GMPPB: variants seen among roughly 807,000 people sequenced by gnomAD.
The protein encoded by GMPPB is GDP-mannose pyrophosphorylase B.
In GMPPB, 38 loss-of-function variants were observed where a neutral mutation model predicts 40.3. The observed-to-expected ratio is 0.94, with a 90% CI of 0.73 to 1.24. The LOEUF is 1.24. GMPPB is among the 50% of genes most tolerant of loss of function. The pLI, the probability that GMPPB is intolerant of heterozygous loss-of-function variation, is 0.00. For synonymous variants in GMPPB, 193 were observed against 191.8 expected, an observed-to-expected ratio of 1.01 and a Z score of -0.05; for missense variants, 436 against 487.1, an observed-to-expected ratio of 0.90 and a Z score of 0.99.
chr3:49,723,117 G>C lies in GMPPB; in HGVS notation c.260-3C>G, dbSNP rs1559697660. On this transcript the variant is annotated splice_polypyrimidine_tract_variant and splice_region_variant and intron_variant, in intron 3 of 8. Transcript: ENST00000308388. The stretch of plus-strand genomic sequence containing the variant: ...ACGGGCCAGCGCCAGGGGCCCAGCT[G>C]GGGGAAGGGGACAGGTCACCACCTT... The C allele has an allele frequency of 6.2e-7, 1 of 1,613,840 alleles. No homozygotes were observed. The highest frequency in any genetic ancestry group is 1.1e-5 in the South Asian group (1 of 91,058).
rs895541895 is a variant in GMPPB, at chr3:49,721,233, C to T, written c.*519G>A. On this transcript the variant is annotated 3_prime_UTR_variant, in exon 9 of 9. Transcript: ENST00000308388. ...TGAACAACAAGGACTGCTTCTTCTG[C>T]AAAACCACCATCGTGTCTGTAGAGG... 2 of 1,614,106 alleles carry T rather than the reference C, an allele frequency of 1.2e-6. No individual in the cohort carries two copies. The highest frequency in any genetic ancestry group is 2.7e-5 in the African/African-American group (2 of 74,932).
Position 49,721,760 on chromosome 3 carries a change from T to C in GMPPB, c.1075A>G (p.Ile359Val). Residue 359 changes from isoleucine to valine, a missense_variant, in exon 9 of 9, where the codon ATC becomes GTC. Coordinates refer to ENST00000308388, the MANE Select transcript of GMPPB (RefSeq NM_021971.4). ...IGESVPEPRI[I>V]M ...AGCCCCACTGCATCCCCTCACATGA[T>C]GATACGAGGCTCTGGCACTGACTCG... 1.9e-6 allele frequency: 3 copies of C among 1,601,662 alleles called. No individual in the cohort carries two copies. The highest frequency in any genetic ancestry group is 2.5e-6 in the Non-Finnish European group (3 of 1,176,658).
Position 49,723,897 on chromosome 3 carries a change from G to C in GMPPB, c.-171C>G, listed in dbSNP as rs2080464417. ...CCCGGTCGCCCTGACGCCGGATCCA[G>C]GGCCGCCACAACACAGAACGCGACA... On this transcript the variant is annotated 5_prime_UTR_variant, in exon 1 of 9. Transcript: ENST00000308388. The C allele has an allele frequency of 1.4e-6, 1 of 699,902 alleles. No individual in the cohort carries two copies. The highest frequency in any genetic ancestry group is 3.0e-5 in the East Asian group (1 of 33,556). The allele number at this position is 699,902 out of a possible 1,614,324, so 43.4% of individuals were successfully genotyped here. A position where few individuals can be genotyped will look rare whatever the true frequency, so the allele number is the denominator to read the frequency against.
Position 49,721,458 on chromosome 3 carries a change from C to A in GMPPB, c.*294G>T. 9.4e-7 allele frequency: 1 copy of A among 1,067,180 alleles called. No individual in the cohort carries two copies. The highest frequency in any genetic ancestry group is 1.5e-6 in the Non-Finnish European group (1 of 687,328). 66.1% of individuals were successfully genotyped at this position (1,067,180 alleles called of 1,614,324 possible). The stretch of plus-strand genomic sequence containing the variant: ...GTATCCTCATTGGTGGGAGCCCAGC[C>A]ATGGCCCTAATTGTGCCTGAGCTTG... On this transcript the variant is annotated 3_prime_UTR_variant, in exon 9 of 9. Transcript: ENST00000308388.
chr3:49,720,641 T>G lies in GMPPB; in HGVS notation c.*1111A>C, dbSNP rs1410093745. On this transcript the variant is annotated 3_prime_UTR_variant, in exon 9 of 9. Transcript: ENST00000308388. The stretch of plus-strand genomic sequence containing the variant: ...GCCAGCCCCTGACCGGAAGCGCTTC[T>G]CCCTGCAGAGCTGTGAGTGGGCTGG... The G allele has an allele frequency of 1.2e-6, 2 of 1,600,864 alleles. No individual in the cohort carries two copies. The highest frequency in any genetic ancestry group is 2.2e-5 in the South Asian group (2 of 89,942).
intron 8 of GMPPB, 25 bp downstream of exon 8, chr3:49,721,940 C>G: frequency 6.2e-7 from 1 of 1,613,334 alleles, no homozygotes; most frequent in South Asian, 1.1e-5. Flanking sequence ...CCCCTCTCCC[C>G]ACCCAGCCCA....
Position 49,721,469 on chromosome 3 carries a change from T to C in GMPPB, c.*283A>G. On this transcript the variant is annotated 3_prime_UTR_variant, in exon 9 of 9. Coordinates refer to ENST00000308388, the MANE Select transcript of GMPPB (RefSeq NM_021971.4). The stretch of plus-strand genomic sequence containing the variant: ...GGTGGGAGCCCAGCCATGGCCCTAA[T>C]TGTGCCTGAGCTTGACTTTCAGTCA... 2.0e-6 allele frequency: 2 copies of C among 995,988 alleles called. No individual in the cohort carries two copies. The highest frequency in any genetic ancestry group is 4.8e-5 in the East Asian group (2 of 41,900). The allele number at this position is 995,988 out of a possible 1,614,324, so 61.7% of individuals were successfully genotyped here.
Position 49,723,870 on chromosome 3 carries a change from C to T in GMPPB, c.-144G>A. 2.2e-6 allele frequency: 2 copies of T among 919,846 alleles called. No homozygotes were observed. Among genetic ancestry groups the T allele is most frequent in the Non-Finnish European group, 3.1e-6 (2 of 640,254 alleles). The allele number at this position is 919,846 out of a possible 1,614,324, so 57.0% of individuals were successfully genotyped here. The stretch of plus-strand genomic sequence containing the variant: ...TGACAGACTCTGGCTCCACCTCGTC[C>T]GCCCGGTCGCCCTGACGCCGGATCC... On this transcript the variant is annotated 5_prime_UTR_variant, in exon 1 of 9. Transcript: ENST00000308388.
At position 49,720,317 on chromosome 3, in the gene GMPPB, GAAAA is replaced by G. The variant is rs370438853; in HGVS notation, c.*1431_*1434del. The G allele has an allele frequency of 1.9e-4, 65 of 345,224 alleles. No individual in the cohort carries two copies. The highest frequency in any genetic ancestry group is 1.1e-3 in the African/African-American group (38 of 36,078). The allele number at this position is 345,224 out of a possible 1,614,324, so 21.4% of individuals were successfully genotyped here. ...GGCAACAGAGCGAGACTCGTCTCAAGAAAAAAAAAAAAAAAACAGGCTGTGTGGC... is the reference window on the plus strand; with the variant it reads ...GGCAACAGAGCGAGACTCGTCTCAAGAAAAAAAAAAAACAGGCTGTGTGGC... On this transcript the variant is annotated 3_prime_UTR_variant, in exon 9 of 9. Transcript: ENST00000308388.
In GMPPB at chr3:49,719,920, AGCT is replaced by A. The variant is rs2108207129; in HGVS notation, c.*1829_*1831del. Reference sequence around the variant, plus strand: ...GGGGGAGTCTGGAAGAATGTCTCCAAGCTGCTGTTAGTGTTTATTTGAAGTGAC... The same window carrying A: ...GGGGGAGTCTGGAAGAATGTCTCCAAGCTGTTAGTGTTTATTTGAAGTGAC... On this transcript the variant is annotated 3_prime_UTR_variant, in exon 9 of 9. Coordinates refer to ENST00000308388, the MANE Select transcript of GMPPB (RefSeq NM_021971.4). 5.6e-6 allele frequency: 1 copy of A among 178,480 alleles called. No individual in the cohort carries two copies. Among genetic ancestry groups the A allele is most frequent in the East Asian group, 1.7e-4 (1 of 6,044 alleles). 11.1% of individuals were successfully genotyped at this position (178,480 alleles called of 1,614,324 possible).
At position 49,723,749 on chromosome 3, in the gene GMPPB, G is replaced by A. The variant is rs1261127721; in HGVS notation, c.-23C>T. 1 of 1,570,950 alleles carries A rather than the reference G, an allele frequency of 6.4e-7. No individual in the cohort carries two copies. Among genetic ancestry groups the A allele is most frequent in the Non-Finnish European group, 8.6e-7 (1 of 1,165,346 alleles). The stretch of plus-strand genomic sequence containing the variant: ...CATCGCGCCTGCGGACGTTGAGGGG[G>A]TGTCCCGGGCTCTGAGGTGCCTGCA... On this transcript the variant is annotated 5_prime_UTR_variant, in exon 1 of 9. Coordinates refer to ENST00000308388, the MANE Select transcript of GMPPB (RefSeq NM_021971.4).
chr3:49,721,622 T>C lies in GMPPB; in HGVS notation c.*130A>G. On this transcript the variant is annotated 3_prime_UTR_variant, in exon 9 of 9. Transcript: ENST00000308388. ...TGATGTCCACATGAGAAGGCAGGTG[T>C]CCAACAGCTTCAGCTTCACCCAGTG... 1 of 932,190 alleles carries C rather than the reference T, an allele frequency of 1.1e-6. No individual in the cohort carries two copies. The highest frequency in any genetic ancestry group is 1.5e-5 in the South Asian group (1 of 67,620). 57.7% of individuals were successfully genotyped at this position (932,190 alleles called of 1,614,324 possible).
At chr3:49,722,543 T>C (rs1299703190) in intron 5 of GMPPB, 33 bp from the exon 6 acceptor site, 2 of 1,613,536 alleles carry the variant, frequency 1.2e-6, no homozygotes, top group Non-Finnish European at 1.7e-6. Context: ...AGCAGGGTCA[T>C]GGCGGTGATG....
intron 2 of GMPPB, 29 bp downstream of exon 2, chr3:49,723,363 A>G: frequency 6.2e-7 from 1 of 1,614,094 alleles, no homozygotes; most frequent in Non-Finnish European, 8.5e-7. Context: ...GCGGGGACCG[A>G]GAATAAGGGC....
At position 49,723,115 on chromosome 3, in the gene GMPPB, CTGGGGG is replaced by C. The variant is rs1401534268; in HGVS notation, c.260-7_260-2del. 6.2e-7 allele frequency: 1 copy of C among 1,613,896 alleles called. No individual in the cohort carries two copies. Among genetic ancestry groups the C allele is most frequent in the Admixed American group, 1.7e-5 (1 of 60,026 alleles). The stretch of plus-strand genomic sequence containing the variant: ...TCACGGGCCAGCGCCAGGGGCCCAG[CTGGGGG>C]AAGGGGACAGGTCACCACCTTGCTG... On this transcript the variant is annotated splice_acceptor_variant and splice_polypyrimidine_tract_variant and intron_variant, in intron 3 of 8. Transcript: ENST00000308388. LOFTEE classifies it high-confidence loss of function.
In GMPPB at chr3:49,720,835, G is replaced by C. The variant is rs373043136; in HGVS notation, c.*917C>G. ...TATCAGTGCCGATGAGCTGGCCCAA[G>C]TGGAACAGATGCTGGCGCACCTGAC... On this transcript the variant is annotated 3_prime_UTR_variant, in exon 9 of 9. Transcript: ENST00000308388. 1.2e-4 allele frequency: 197 copies of C among 1,614,074 alleles called. No homozygotes were observed. Among genetic ancestry groups the C allele is most frequent in the Non-Finnish European group, 1.6e-4 (191 of 1,180,052 alleles).
At chr3:49,721,927 C>A (rs2080417627) in intron 8 of GMPPB, 38 bp downstream of exon 8, 1 of 1,613,670 alleles carries the variant, frequency 6.2e-7, no homozygotes, top group African/African-American at 1.3e-5. Context: ...GGCACACTCC[C>A]CGCCCCTCTC....
Position 49,722,236 on chromosome 3 carries a change from G to C in GMPPB, c.763C>G (p.Leu255Val). Residue 255 changes from leucine (L) to valine (V), a missense_variant, in exon 7 of 9, where the codon CTG becomes GTG. Coordinates refer to ENST00000308388, the MANE Select transcript of GMPPB (RefSeq NM_021971.4). ...GGGCTGGGCAAGGGCCTCACCACCA[G>C]CACGTTGCCCACAATGCCAGGGCCT... Reference protein sequence around the residue: ...CSGPGIVGNVLVDPSARIGQN... With the variant: ...CSGPGIVGNVVVDPSARIGQN... 6.2e-7 allele frequency: 1 copy of C among 1,613,260 alleles called. No individual in the cohort carries two copies. The highest frequency in any genetic ancestry group is 8.5e-7 in the Non-Finnish European group (1 of 1,179,636).
rs372671110 is a variant in GMPPB at position 49,720,908 on chromosome 3, C to T, written c.*844G>A. 6.1e-5 allele frequency: 98 copies of T among 1,613,448 alleles called. No homozygotes were observed. The highest frequency in any genetic ancestry group is 5.7e-5 in the Non-Finnish European group (67 of 1,179,572). On this transcript the variant is annotated 3_prime_UTR_variant, in exon 9 of 9. Coordinates refer to ENST00000308388, the MANE Select transcript of GMPPB (RefSeq NM_021971.4). ...GCTGCCTCCCTGGTGAGTGGGAACA[C>T]GGTGCACAGGTCCATGCCACTTGAA...
Sources: gnomAD v4.1 joint callset for allele counts on GRCh38, gnomAD v4.1.1 for gene constraint, MANE v1.5 for transcripts, NCBI Gene and HGNC (gene_info 2026-07-23, HGNC 2026-07-21) for gene names.